The following NEK4 variants were observed in gnomAD, a reference collection of about 807,000 sequenced individuals.
The protein encoded by NEK4 is NIMA related kinase 4, also known as serine/threonine-protein kinase Nek4.
Under a neutral mutation model 98.4 loss-of-function variants are expected in NEK4, and 86 were observed. The observed-to-expected ratio is 0.87, with a 90% CI of 0.73 to 1.05. The LOEUF is 1.05. NEK4 is among the 50% of genes least tolerant of loss of function. The pLI, the probability that NEK4 is intolerant of heterozygous loss-of-function variation, is 0.00. For synonymous variants in NEK4, 328 were observed against 342.2 expected, an observed-to-expected ratio of 0.96 and a Z score of 0.46; for missense variants, 898 against 950.3, an observed-to-expected ratio of 0.94 and a Z score of 0.72.
At chr3:52,727,864 A>G (rs912195291) in intron 15 of NEK4, among the ~76,000 whole-genome samples, 1 of 152,230 alleles carries the variant, frequency 6.6e-6, no homozygotes, top group Non-Finnish European at 1.5e-5. Flanking sequence ...AAAAAACAAT[A>G]TACTGAAACT....
At chr3:52,748,536 T>C (rs2097400161) in intron 8 of NEK4, among the ~76,000 whole-genome samples, 1 of 152,238 alleles carries the variant, frequency 6.6e-6, no homozygotes, top group Admixed American at 6.5e-5. Context: ...ACCAATGTTT[T>C]AAATGAATTC....
chr3:52,732,749 T>C (rs2097371146), intron 15 of NEK4: 3 of 274,200 alleles, frequency 1.1e-5, no homozygotes, highest in Non-Finnish European at 2.3e-5. Flanking sequence ...ATTATCTCCA[T>C]GTTGGAGACA....
rs546270462 is a variant in NEK4, at chr3:52,720,101, G to T, written c.2434-8232C>A. 3.9e-5 allele frequency among the ~76,000 whole-genome samples: 6 copies of T among 152,228 alleles called. No homozygotes were observed. The South Asian group carries it at 8.3e-4, about 21-fold the overall frequency. ...AGTAAAAGACCTGCTTGGCCAACAT[G>T]GTGAACCCCCGTCTCTACTAAAAAT... On this transcript the variant is annotated intron_variant, in intron 15 of 15. Transcript: ENST00000233027.
At chr3:52,746,278 G>A in intron 9 of NEK4, 68 bp from the exon 10 acceptor site, 2 of 1,438,884 alleles carry the variant, frequency 1.4e-6, no homozygotes, top group Non-Finnish European at 1.9e-6. Context: ...CCTATCAGCA[G>A]GTTCTCTATG....
intron 13 of NEK4, among the ~76,000 whole-genome samples, chr3:52,740,247 C>A (rs910520557): frequency 1.3e-5 from 2 of 151,704 alleles, no homozygotes; most frequent in African/African-American, 4.8e-5. Context: ...AAAAGTGACA[C>A]GACTGATAGA....
At position 52,746,917 on chromosome 3, in the gene NEK4, A is replaced by G. The variant is rs1262879894; in HGVS notation, c.1507-13T>C. 6.2e-7 allele frequency: 1 copy of G among 1,600,994 alleles called. No individual in the cohort carries two copies. Among genetic ancestry groups the G allele is most frequent in the East Asian group, 2.2e-5 (1 of 44,764 alleles). On this transcript the variant is annotated splice_polypyrimidine_tract_variant and intron_variant, in intron 8 of 15. Coordinates refer to ENST00000233027, the MANE Select transcript of NEK4 (RefSeq NM_003157.6). ...CAGCAACTTGATCCTTAAAAACAAT[A>G]AAATGACATTTTAAAGTATAGCAGC... is the stretch of plus-strand genomic sequence containing the variant.
At chr3:52,714,987 A>T (rs1175794440) in intron 15 of NEK4, among the ~76,000 whole-genome samples, 1 of 152,192 alleles carries the variant, frequency 6.6e-6, no homozygotes, top group Non-Finnish European at 1.5e-5. Context: ...GCAGCTTGGC[A>T]CTGGCCTGCA....
intron 6 of NEK4, among the ~76,000 whole-genome samples, 183 bp from the exon 7 acceptor site, chr3:52,752,519 C>T (rs2097407087): frequency 6.6e-6 from 1 of 152,122 alleles, no homozygotes; most frequent in African/African-American, 2.4e-5. Context: ...AGTATTTGTA[C>T]ACCAATGTTT....
intron 15 of NEK4, among the ~76,000 whole-genome samples, chr3:52,715,241 A>G (rs1379372792): frequency 1.3e-5 from 2 of 152,236 alleles, no homozygotes; most frequent in Non-Finnish European, 2.9e-5. Flanking sequence ...GCTCAGCCAG[A>G]GCAGAACAGA....
At chr3:52,754,442 C>A in intron 6 of NEK4, 1 of 575,396 alleles carries the variant, frequency 1.7e-6, no homozygotes, top group Non-Finnish European at 3.4e-6. Flanking sequence ...AGATGTTCAG[C>A]TTTTTAAGAG....
intron 6 of NEK4, chr3:52,754,252 T>C (rs1248592854): frequency 3.1e-6 from 1 of 326,716 alleles, no homozygotes; most frequent in African/African-American, 2.1e-5. Context: ...ATATTTGGTA[T>C]TCCCATCTTT....
In NEK4 at chr3:52,770,911, G is replaced by A. The variant is rs1164521453; in HGVS notation, c.-165C>T. ...GGGCCCGGCCCGCGACGACGCCGCTGCCATAGCGATCCGGGCCGGGAGCAG... is the reference window on the plus strand; with the variant it reads ...GGGCCCGGCCCGCGACGACGCCGCTACCATAGCGATCCGGGCCGGGAGCAG... On this transcript the variant is annotated 5_prime_UTR_variant, in exon 1 of 16. Coordinates refer to ENST00000233027, the MANE Select transcript of NEK4 (RefSeq NM_003157.6). The A allele has an allele frequency of 8.1e-6, 5 of 620,236 alleles. No homozygotes were observed. Among genetic ancestry groups the A allele is most frequent in the South Asian group, 1.9e-5 (1 of 51,568 alleles). 38.4% of individuals were successfully genotyped at this position (620,236 alleles called of 1,614,324 possible).
At chr3:52,741,178 G>A (rs1048903484) in intron 13 of NEK4, among the ~76,000 whole-genome samples, 7 of 149,418 alleles carry the variant, frequency 4.7e-5, no homozygotes, top group African/African-American at 1.7e-4. Flanking sequence ...GGAGCTTGCA[G>A]TGAGCGGAGA....
chr3:52,721,023 G>GT (rs1239267373), intron 15 of NEK4, among the ~76,000 whole-genome samples: 1 of 152,128 alleles, frequency 6.6e-6, no homozygotes, highest in African/African-American at 2.4e-5. Context: ...TCTCTTTTAC[G>GT]TAACTATTTA....
chr3:52,732,663 G>A, intron 15 of NEK4: 1 of 321,982 alleles, frequency 3.1e-6, no homozygotes, highest in Non-Finnish European at 6.3e-6. Flanking sequence ...CTGCACAGAG[G>A]GCTTTATACA....
At chr3:52,719,530 C>T (rs1281368611) in intron 15 of NEK4, among the ~76,000 whole-genome samples, 10 of 146,924 alleles carry the variant, frequency 6.8e-5, no homozygotes, top group African/African-American at 2.5e-4. Context: ...TTGTAGTGAG[C>T]GAAGATCACG....
At chr3:52,758,178 C>CAAAAAAAAAAAA (rs35117059) in intron 6 of NEK4, among the ~76,000 whole-genome samples, 2 of 62,780 alleles carry the variant, frequency 3.2e-5, no homozygotes, top group African/African-American at 6.9e-5. Context: ...GACACCATCT[C>CAAAAAAAAAAAA]AAAAAAAAAA....
chr3:52,746,265 TC>T, intron 9 of NEK4, 55 bp from the exon 10 acceptor site: 1 of 1,518,710 alleles, frequency 6.6e-7, no homozygotes, highest in African/African-American at 1.4e-5. Context: ...CTTCCAATGT[TC>T]CCCTATCAGC....
At chr3:52,716,518 A>G (rs1420810681) in intron 15 of NEK4, among the ~76,000 whole-genome samples, 1 of 152,044 alleles carries the variant, frequency 6.6e-6, no homozygotes, top group African/African-American at 2.4e-5. Context: ...CCATTATTCT[A>G]TCTCCCTGTC....
Sources: gnomAD v4.1 joint callset for allele counts (sites outside exome capture counted in the v4.1 genomes callset) on GRCh38, gnomAD v4.1.1 for gene constraint, MANE v1.5 for transcripts, NCBI Gene and HGNC (gene_info 2026-07-23, HGNC 2026-07-21) for gene names.